The following CORO7 variants were observed in gnomAD, a reference collection of about 807,000 sequenced individuals.
The protein encoded by CORO7 is coronin-7.
Under a neutral mutation model 126.6 loss-of-function variants are expected in CORO7, and 107 were observed. The ratio of observed to expected loss-of-function variants is 0.85; its 90% CI spans 0.72 to 0.99. The LOEUF is 0.99. CORO7 is among the 50% of genes least tolerant of loss of function. The probability of loss-of-function intolerance (pLI) is 0.00; values close to 1 mark genes in which losing one functional copy is unlikely to be tolerated. For synonymous variants in CORO7, 603 were observed against 536.8 expected (o/e 1.12, Z -1.70); for missense variants, 1,314 against 1,255.8 (o/e 1.05, Z -0.70).
intron 9 of CORO7, among the ~76,000 whole-genome samples, chr16:4,368,320 C>G (rs1229364469): frequency 6.6e-6 from 1 of 151,972 alleles, no homozygotes; most frequent in Non-Finnish European, 1.5e-5. Context: ...GCATTCCAGC[C>G]TGGGTGACAG....
chr16:4,416,149 G>T (rs2056403478), intron 1 of CORO7, among the ~76,000 whole-genome samples: 1 of 152,104 alleles, frequency 6.6e-6, no homozygotes, highest in Non-Finnish European at 1.5e-5. Context: ...GAAGGCAGGC[G>T]GCCTCGCAGG....
At chr16:4,379,288 A>T (rs2054867417) in intron 9 of CORO7, among the ~76,000 whole-genome samples, 1 of 152,160 alleles carries the variant, frequency 6.6e-6, no homozygotes, top group South Asian at 2.1e-4. Flanking sequence ...GGCACCCCGT[A>T]TGAGGCTCAG....
rs375058175 is a variant in CORO7, at chr16:4,360,275, C to T, written c.2108+3G>A. ...CTGGGGATGGGGATGCCTGAGTCCT[C>T]ACCTGTCAAAGCCAGACACCAGCAG... On this transcript the variant is annotated splice_donor_region_variant and intron_variant, in intron 21 of 27. Transcript: ENST00000251166. The T allele has an allele frequency of 1.2e-6, 2 of 1,613,390 alleles. No individual in the cohort carries two copies. Among genetic ancestry groups the T allele is most frequent in the African/African-American group, 2.7e-5 (2 of 74,898 alleles).
intron 7 of CORO7, among the ~76,000 whole-genome samples, chr16:4,394,952 G>A (rs746206272): frequency 2.7e-4 from 41 of 152,336 alleles, no homozygotes; most frequent in Admixed American, 1.0e-3. Context: ...TGGCTCCTCT[G>A]CAGCTGGTCT....
At chr16:4,355,773 TG>T (rs2053960923) in intron 26 of CORO7, among the ~76,000 whole-genome samples, 1 of 150,654 alleles carries the variant, frequency 6.6e-6, no homozygotes, top group South Asian at 2.1e-4. Flanking sequence ...CCGGCCTTTT[TG>T]TTTGTTTGTT....
At chr16:4,395,424 C>G in intron 6 of CORO7, 85 bp from the exon 7 acceptor site, 1 of 1,582,586 alleles carries the variant, frequency 6.3e-7, no homozygotes, top group Non-Finnish European at 8.6e-7. Context: ...CCTCCCAACC[C>G]CCAGCTCTGA....
At chr16:4,388,468 T>G in intron 8 of CORO7, 77 bp downstream of exon 8, 9 of 1,500,104 alleles carry the variant, frequency 6.0e-6, no homozygotes, top group African/African-American at 1.4e-5. Context: ...CCGCCTCCCA[T>G]TGGTTTCGTC....
chr16:4,380,510 G>A (rs989784966), intron 9 of CORO7, among the ~76,000 whole-genome samples: 3 of 152,204 alleles, frequency 2.0e-5, no homozygotes, highest in East Asian at 1.9e-4. Flanking sequence ...AGGAGCTGCC[G>A]CTCCAAGTCC....
intron 9 of CORO7, among the ~76,000 whole-genome samples, chr16:4,379,592 C>T (rs774243622): frequency 7.2e-5 from 11 of 152,154 alleles, no homozygotes; most frequent in African/African-American, 2.2e-4. Flanking sequence ...TCTGCCCTGA[C>T]GTGGCTGCTG....
intron 16 of CORO7, 109 bp downstream of exon 16, chr16:4,361,876 G>C: frequency 6.7e-7 from 1 of 1,495,600 alleles, no homozygotes; most frequent in Admixed American, 2.0e-5. Flanking sequence ...GCGGGCAGGA[G>C]CCTGACACAA....
intron 6 of CORO7, among the ~76,000 whole-genome samples, chr16:4,398,978 A>C (rs1037755022): frequency 1.4e-4 from 22 of 152,146 alleles, no homozygotes; most frequent in Non-Finnish European, 2.9e-4. Flanking sequence ...AAAAAAAAAA[A>C]AAAAACAAAA....
chr16:4,406,544 C>T (rs1429424832), intron 5 of CORO7, among the ~76,000 whole-genome samples: 1 of 152,172 alleles, frequency 6.6e-6, no homozygotes, highest in African/African-American at 2.4e-5. Flanking sequence ...AAGCGATCCT[C>T]CCATTTTGGC....
intron 1 of CORO7, chr16:4,415,679 TA>T: frequency 1.0e-6 from 1 of 983,600 alleles, no homozygotes; most frequent in South Asian, 4.7e-5. Context: ...GGTCAACTCC[TA>T]GGCCCAGTTA....
At chr16:4,409,482 A>G (rs2056123727) in intron 3 of CORO7, among the ~76,000 whole-genome samples, 1 of 152,228 alleles carries the variant, frequency 6.6e-6, no homozygotes, top group African/African-American at 2.4e-5. Context: ...TGCTGGCACC[A>G]CAGATGCCCA....
intron 20 of CORO7, 21 bp from the exon 21 acceptor site, chr16:4,360,384 A>C: frequency 6.2e-7 from 1 of 1,613,354 alleles, no homozygotes; most frequent in Non-Finnish European, 8.5e-7. Context: ...ACATCGCGTG[A>C]CACCCAGCCA....
chr16:4,409,219 G>C (rs1477279195), intron 3 of CORO7, among the ~76,000 whole-genome samples: 2 of 152,238 alleles, frequency 1.3e-5, no homozygotes, highest in Non-Finnish European at 2.9e-5. Context: ...GGCCTCAGGA[G>C]ACAGGGAAAA....
At chr16:4,380,935 G>A in intron 9 of CORO7, 7 of 1,590,178 alleles carry the variant, frequency 4.4e-6, no homozygotes, top group Non-Finnish European at 6.0e-6. Flanking sequence ...CCTGGGGCCT[G>A]GGGTGCAGGG....
Position 4,405,547 on chromosome 16 carries a change from G to C in CORO7, c.508C>G (p.Leu170Val), listed in dbSNP as rs1289363570. ...PLTELAAHGD[L>V]VQSAVWSRDG... ...CGGCTCCAGACGGCGCTCTGCACCA[G>C]GTCCCCATGGGCTGCCAGCTCTGCA... The change falls in exon 6 of 28, where the codon CTG becomes GTG. Residue 170 changes from leucine to valine, a missense_variant. Coordinates refer to ENST00000251166, the MANE Select transcript of CORO7 (RefSeq NM_024535.5). 6 of 1,612,850 alleles carry C rather than the reference G, an allele frequency of 3.7e-6. No homozygotes were observed. The highest frequency in any genetic ancestry group is 2.7e-5 in the African/African-American group (2 of 75,052).
chr16:4,360,660 C>A, intron 19 of CORO7, 112 bp from the exon 20 acceptor site: 1 of 1,409,528 alleles, frequency 7.1e-7, no homozygotes, highest in Non-Finnish European at 9.6e-7. Context: ...ACTGCTGTTC[C>A]CGCCTCTCCT....
Sources: gnomAD v4.1 joint callset for allele counts (sites outside exome capture counted in the v4.1 genomes callset) on GRCh38, gnomAD v4.1.1 for gene constraint, MANE v1.5 for transcripts, NCBI Gene and HGNC (gene_info 2026-07-23, HGNC 2026-07-21) for gene names.